The following FNDC3A variants were observed in gnomAD, a reference collection of about 807,000 sequenced individuals.
The protein encoded by FNDC3A is fibronectin type-III domain-containing protein 3A.
FNDC3A carries 32 observed loss-of-function variants against 148.9 expected under a neutral mutation model. That is an observed-to-expected ratio of 0.21 (90% CI 0.16 to 0.29). The LOEUF (loss-of-function observed/expected upper bound fraction) is 0.29, where lower values mean the gene tolerates loss of function less well. Among genes scored for constraint, FNDC3A ranks in the 10% least tolerant of loss-of-function variants. FNDC3A has a pLI of 1.00. For missense variants in FNDC3A, 1,191 were observed against 1,452.8 expected (o/e 0.82, Z 2.93); for synonymous variants, 472 against 473.6 (o/e 1.00, Z 0.04).
chr13:49,122,183 A>G (rs1881393936), intron 4 of FNDC3A, among the ~76,000 whole-genome samples: 1 of 152,194 alleles, frequency 6.6e-6, no homozygotes, highest in African/African-American at 2.4e-5. Context: ...CTGGGATGCA[A>G]GGCTGGTTCA....
chr13:49,110,431 TCTG>T (rs917970284), intron 3 of FNDC3A: 12 of 1,455,448 alleles, frequency 8.2e-6, no homozygotes, highest in Non-Finnish European at 3.9e-6. Flanking sequence ...TTTCGAACAT[TCTG>T]CTTTTATTTT....
At chr13:49,173,967 G>A (rs1884895798) in intron 11 of FNDC3A, among the ~76,000 whole-genome samples, 1 of 152,106 alleles carries the variant, frequency 6.6e-6, no homozygotes, top group African/African-American at 2.4e-5. Context: ...AGCAGTAGAA[G>A]CGCCAAAAGT....
chr13:48,993,660 A>G (rs942318482), intron 1 of FNDC3A, among the ~76,000 whole-genome samples: 1 of 152,176 alleles, frequency 6.6e-6, no homozygotes, highest in Admixed American at 6.6e-5. Context: ...GGTGAAGTAT[A>G]CTGATGTCTG....
At chr13:49,097,769 T>A (rs1046358489) in intron 3 of FNDC3A, among the ~76,000 whole-genome samples, 1 of 152,074 alleles carries the variant, frequency 6.6e-6, no homozygotes, top group Non-Finnish European at 1.5e-5. Context: ...TACATATGAT[T>A]ACTCATAAGC....
intron 3 of FNDC3A, among the ~76,000 whole-genome samples, chr13:49,085,646 G>A (rs1019623096): frequency 3.3e-5 from 5 of 152,122 alleles, no homozygotes; most frequent in African/African-American, 4.8e-5. Context: ...GATATTACAC[G>A]TATACCATTT....
intron 3 of FNDC3A, among the ~76,000 whole-genome samples, chr13:49,091,889 T>A (rs1593578134): frequency 6.6e-6 from 1 of 152,196 alleles, no homozygotes; most frequent in Non-Finnish European, 1.5e-5. Context: ...GCTAGATGGG[T>A]CAGAAAGCAC....
intron 7 of FNDC3A, among the ~76,000 whole-genome samples, chr13:49,140,960 G>A (rs779063515): frequency 1.6e-4 from 25 of 152,124 alleles, no homozygotes; most frequent in Non-Finnish European, 1.5e-4. Flanking sequence ...GAAAGTGTGG[G>A]AACAGTATTG....
chr13:49,133,297 A>G (rs2137930236), intron 5 of FNDC3A, among the ~76,000 whole-genome samples: 1 of 152,346 alleles, frequency 6.6e-6, no homozygotes, highest in African/African-American at 2.4e-5. Context: ...TAGTTTTAAA[A>G]ATATTAATTT....
At chr13:49,058,996 A>G (rs1187224559) in intron 2 of FNDC3A, among the ~76,000 whole-genome samples, 2 of 152,320 alleles carry the variant, frequency 1.3e-5, no homozygotes, top group East Asian at 3.9e-4. Flanking sequence ...CCTTAACAGG[A>G]CCAGAGGTAA....
intron 23 of FNDC3A, among the ~76,000 whole-genome samples, chr13:49,198,804 C>G (rs1011956011): frequency 6.6e-6 from 1 of 151,972 alleles, no homozygotes; most frequent in Admixed American, 6.6e-5. Context: ...TTTTCAAAAA[C>G]GAAGTCAAGA....
rs1280267925 is a variant in FNDC3A at position 49,198,099 on chromosome 13, C to T, written c.2608C>T (p.Pro870Ser). 4 of 1,613,998 alleles carry T rather than the reference C, an allele frequency of 2.5e-6. No homozygotes were observed. Among genetic ancestry groups the T allele is most frequent in the South Asian group, 2.2e-5 (2 of 91,088 alleles). ...AATAAGCGATGATGAGATAGAAAAT[C>T]CCCATTATTCACCTTCTACATGCCT... Reference protein sequence around the residue: ...QEISDDEIENPHYSPSTCLAI... With the variant: ...QEISDDEIENSHYSPSTCLAI... Residue 870 changes from proline (P) to serine (S), a missense_variant, in exon 22 of 26, where the codon CCC becomes TCC. By Grantham distance (74) the Pro-to-Ser change is moderately conservative. This residue lies in a region of FNDC3A where 751 missense variants were observed against 944.0 expected (regional missense o/e 0.80). Coordinates refer to ENST00000492622, the MANE Select transcript of FNDC3A (RefSeq NM_001079673.2).
At chr13:49,079,895 G>C (rs1342772591) in intron 3 of FNDC3A, among the ~76,000 whole-genome samples, 3 of 152,090 alleles carry the variant, frequency 2.0e-5, no homozygotes, top group Non-Finnish European at 4.4e-5. Context: ...GCTCATTGCA[G>C]CCTCAAACTC....
intron 8 of FNDC3A, among the ~76,000 whole-genome samples, chr13:49,166,860 CT>C (rs1884492107): frequency 6.6e-6 from 1 of 152,138 alleles, no homozygotes; most frequent in Admixed American, 6.5e-5. Context: ...TGGCAGAGTC[CT>C]TGTAAAAAAT....
chr13:49,113,872 C>T (rs1437254373), intron 3 of FNDC3A, among the ~76,000 whole-genome samples: 1 of 152,094 alleles, frequency 6.6e-6, no homozygotes, highest in Non-Finnish European at 1.5e-5. Context: ...TCTCCAAATG[C>T]TTCTTTTGTT....
At chr13:49,047,097 A>G (rs1249100097) in intron 2 of FNDC3A, among the ~76,000 whole-genome samples, 4 of 151,024 alleles carry the variant, frequency 2.6e-5, no homozygotes, top group Non-Finnish European at 5.9e-5. Flanking sequence ...GAGTTACTTC[A>G]CTTAGAATAA....
At chr13:49,155,384 TG>T (rs879821066) in intron 8 of FNDC3A, among the ~76,000 whole-genome samples, 5,547 of 150,284 alleles carry the variant, frequency 0.037, 322 homozygotes, top group African/African-American at 0.12. Context: ...TCATTTTTTT[TG>T]TGTGTCTATT....
intron 2 of FNDC3A, among the ~76,000 whole-genome samples, chr13:49,041,478 A>T (rs1874924662): frequency 6.6e-6 from 1 of 151,904 alleles, no homozygotes; most frequent in South Asian, 2.1e-4. Context: ...CCTAGTCCCC[A>T]CTCTTCAGTT....
rs1470137866 is a variant in FNDC3A at position 49,122,285 on chromosome 13, CAATAAAATTGAAGGCCTTCAT to C, written c.252+7555_252+7575del. Reference sequence around the variant, plus strand: ...TCTCAATAGACACAGAAAAGGCCTTCAATAAAATTGAAGGCCTTCATGCTAAAAACTTTCAATAAACTAGGT... The same window carrying C: ...TCTCAATAGACACAGAAAAGGCCTTCGCTAAAAACTTTCAATAAACTAGGT... On this transcript the variant is annotated intron_variant, in intron 4 of 25. Transcript: ENST00000492622. Among the ~76,000 whole-genome samples the C allele has an allele frequency of 2.0e-5, 3 of 151,660 alleles. No individual in the cohort carries two copies. In the East Asian group the frequency reaches 5.8e-4, roughly 29 times the overall value.
intron 1 of FNDC3A, among the ~76,000 whole-genome samples, chr13:48,985,319 TC>T (rs936312209): frequency 1.8e-4 from 28 of 152,362 alleles, no homozygotes; most frequent in African/African-American, 6.5e-4. Flanking sequence ...AATAGCTTCA[TC>T]TTTTTAGGAG....
Sources: gnomAD v4.1 joint callset for allele counts (sites outside exome capture counted in the v4.1 genomes callset) on GRCh38, gnomAD v4.1.1 for gene constraint, gnomAD v4.1.1 regional missense constraint, MANE v1.5 for transcripts, NCBI Gene and HGNC (gene_info 2026-07-23, HGNC 2026-07-21) for gene names.